Variants in CORIN observed in about 807,000 individuals in gnomAD.
CORIN encodes the protein corin, serine peptidase.
Under a neutral mutation model 125.3 loss-of-function variants are expected in CORIN, and 117 were observed. That is an observed-to-expected ratio of 0.93 (90% confidence interval 0.80 to 1.09). CORIN has a LOEUF of 1.09. Ranked by LOEUF, CORIN falls within the 50% of genes least tolerant of loss-of-function variation. CORIN has a pLI of 0.00. For missense variants in CORIN, 1,253 were observed against 1,306.7 expected (o/e 0.96, Z 0.63); for synonymous variants, 450 against 466.4 (o/e 0.96, Z 0.45).
intron 9 of CORIN, among the ~76,000 whole-genome samples, chr4:47,675,958 A>G (rs190345731): frequency 6.6e-6 from 1 of 152,294 alleles, no homozygotes; most frequent in East Asian, 1.9e-4. Context: ...GGTAAGAGGA[A>G]AGGATGGGTT....
At chr4:47,691,323 T>C (rs920285034) in intron 6 of CORIN, among the ~76,000 whole-genome samples, 2 of 152,202 alleles carry the variant, frequency 1.3e-5, no homozygotes, top group Non-Finnish European at 2.9e-5. Flanking sequence ...ATTGAATTAT[T>C]TAAAGTTCCC....
At chr4:47,692,892 T>G in intron 6 of CORIN, 78 bp downstream of exon 6, 1 of 1,088,450 alleles carries the variant, frequency 9.2e-7, no homozygotes, top group Non-Finnish European at 1.4e-6. Context: ...CAAAAAGCAG[T>G]CTACACAAAT....
At chr4:47,698,843 C>T (rs1483871981) in intron 5 of CORIN, among the ~76,000 whole-genome samples, 1 of 152,144 alleles carries the variant, frequency 6.6e-6, no homozygotes, top group Non-Finnish European at 1.5e-5. Flanking sequence ...TTTACTGTAC[C>T]TTTTCTATGT....
At position 47,603,616 on chromosome 4, in the gene CORIN, G is replaced by A. The variant is rs776895833; in HGVS notation, c.2593C>T (p.His865Tyr). The A allele has an allele frequency of 1.9e-6, 3 of 1,614,122 alleles. No individual in the cohort carries two copies. The South Asian group carries it at 3.3e-5, about 18-fold the overall frequency. The change falls in exon 20 of 22, where the codon CAT becomes TAT. Residue 865 changes from histidine (H) to tyrosine (Y), a missense_variant. Coordinates refer to ENST00000273857, the MANE Select transcript of CORIN (RefSeq NM_006587.4). ...CGTGTCTGCATGAACACTGATGGAT[G>A]GTCTAGATTGTTGATGCCAAGCACC... ...KVVLGINNLD[H>Y]PSVFMQTRFV...
At chr4:47,812,756 T>G (rs922322912) in intron 1 of CORIN, among the ~76,000 whole-genome samples, 1 of 152,224 alleles carries the variant, frequency 6.6e-6, no homozygotes, top group Non-Finnish European at 1.5e-5. Context: ...TTCTCATCAG[T>G]GAATGCTCTG....
chr4:47,606,505 C>T (rs542823492), intron 19 of CORIN, among the ~76,000 whole-genome samples: 3 of 152,134 alleles, frequency 2.0e-5, no homozygotes, highest in Admixed American at 6.5e-5. Context: ...GCAATCCTCC[C>T]GCCTTGGGCC....
chr4:47,775,088 TA>T (rs1233213583), intron 3 of CORIN, among the ~76,000 whole-genome samples: 1 of 152,158 alleles, frequency 6.6e-6, no homozygotes, highest in Non-Finnish European at 1.5e-5. Context: ...TTTTTAACAA[TA>T]AAGAAATTAG....
At chr4:47,681,989 GC>G (rs1725304338) in intron 7 of CORIN, 1 of 152,192 alleles carries the variant, frequency 6.6e-6, no homozygotes, top group Admixed American at 6.5e-5. Context: ...GTTATTTGTA[GC>G]AACATGGATG....
Position 47,744,587 on chromosome 4 carries a change from A to G in CORIN, c.618-4T>C. On this transcript the variant is annotated splice_region_variant and splice_polypyrimidine_tract_variant and intron_variant, in intron 4 of 21. Transcript: ENST00000273857. ...CCTACAGGGCAGGAGTCCATGACTA[A>G]AAAAAAAAAAAGAGAAAGGTGAAAA... 1 of 1,149,920 alleles carries G rather than the reference A, an allele frequency of 8.7e-7. No individual in the cohort carries two copies. Among genetic ancestry groups the G allele is most frequent in the Non-Finnish European group, 1.2e-6 (1 of 851,120 alleles). 71.2% of individuals were successfully genotyped at this position (1,149,920 alleles called of 1,614,324 possible). A position where few individuals can be genotyped will look rare whatever the true frequency, so the allele number is the denominator to read the frequency against.
intron 5 of CORIN, among the ~76,000 whole-genome samples, chr4:47,719,033 C>A (rs1057243048): frequency 6.6e-6 from 1 of 152,184 alleles, no homozygotes; most frequent in African/African-American, 2.4e-5. Flanking sequence ...CCAACACATA[C>A]ATGAATAACT....
chr4:47,763,123 G>C (rs1241437441), intron 4 of CORIN, among the ~76,000 whole-genome samples: 1 of 152,074 alleles, frequency 6.6e-6, no homozygotes, highest in Non-Finnish European at 1.5e-5. Flanking sequence ...TCTGTCTTAT[G>C]CTGGATCCTC....
intron 4 of CORIN, among the ~76,000 whole-genome samples, chr4:47,750,953 A>T (rs1049245643): frequency 6.6e-6 from 1 of 152,248 alleles, no homozygotes; most frequent in Non-Finnish European, 1.5e-5. Context: ...GGGATGAAAC[A>T]CAGTGATGTG....
rs767925258 is a variant in CORIN at position 47,837,859 on chromosome 4, C to G, written c.63+28G>C. On this transcript the variant is annotated intron_variant, in intron 1 of 21. Coordinates refer to ENST00000273857, the MANE Select transcript of CORIN (RefSeq NM_006587.4). ...ACTAAGAGGCCATCACACCTGGCTG[C>G]GGTAGGACAGCGAATCATCGATCTT... 2.5e-6 allele frequency: 4 copies of G among 1,599,038 alleles called. No individual in the cohort carries two copies. The Admixed American group carries it at 6.7e-5, about 27-fold the overall frequency.
chr4:47,793,382 C>T (rs57922463), intron 2 of CORIN, among the ~76,000 whole-genome samples: 29,757 of 152,088 alleles, frequency 0.2, 3,557 homozygotes, highest in Admixed American at 0.29. Flanking sequence ...AGTGAGAAGA[C>T]AGCTGAGGAC....
chr4:47,773,828 T>A (rs1730170436), intron 3 of CORIN, among the ~76,000 whole-genome samples: 1 of 151,720 alleles, frequency 6.6e-6, no homozygotes, highest in Admixed American at 6.6e-5. Context: ...TATATATTTA[T>A]TAAAACCAGG....
intron 2 of CORIN, among the ~76,000 whole-genome samples, chr4:47,801,627 G>C (rs1731543418): frequency 6.6e-6 from 1 of 152,200 alleles, no homozygotes; most frequent in South Asian, 2.1e-4. Flanking sequence ...CTTGGGAGAG[G>C]GAGAGTGCAG....
chr4:47,602,472 A>T (rs1336625834), intron 20 of CORIN, among the ~76,000 whole-genome samples: 1 of 152,230 alleles, frequency 6.6e-6, no homozygotes, highest in Non-Finnish European at 1.5e-5. Flanking sequence ...ACTTTCTTGA[A>T]GGATTTATAG....
chr4:47,767,931 GC>G (rs1729834946), intron 3 of CORIN, among the ~76,000 whole-genome samples: 3 of 152,264 alleles, frequency 2.0e-5, no homozygotes, highest in South Asian at 4.1e-4. Context: ...AACCTGTCAG[GC>G]CTCTGAGCCC....
intron 1 of CORIN, among the ~76,000 whole-genome samples, chr4:47,816,481 A>G (rs1732273007): frequency 6.6e-6 from 1 of 152,318 alleles, no homozygotes; most frequent in East Asian, 1.9e-4. Flanking sequence ...AGATGAAGAA[A>G]ACATAGTCCC....
Sources: gnomAD v4.1 joint callset for allele counts (sites outside exome capture counted in the v4.1 genomes callset) on GRCh38, gnomAD v4.1.1 for gene constraint, MANE v1.5 for transcripts, NCBI Gene and HGNC (gene_info 2026-07-23, HGNC 2026-07-21) for gene names.